The following CIDEB variants were observed in gnomAD, a reference collection of about 807,000 sequenced individuals.
The protein encoded by CIDEB is lipid transferase CIDEB.
In CIDEB, 27 loss-of-function variants were observed where a neutral mutation model predicts 22.4. The observed-to-expected ratio is 1.21, with a 90% CI of 0.89 to 1.66. CIDEB has a LOEUF of 1.66. CIDEB is among the 40% of genes most tolerant of loss of function. CIDEB has a pLI of 0.00. For synonymous variants in CIDEB, 103 were observed against 109.5 expected, an observed-to-expected ratio of 0.94 and a Z score of 0.37; for missense variants, 289 against 268.7, an observed-to-expected ratio of 1.08 and a Z score of -0.53.
chr14:24,310,617 C>T, upstream of CIDEB: 1 of 1,600,078 alleles, frequency 6.2e-7, no homozygotes, highest in Non-Finnish European at 8.6e-7. Context: ...TTGCCCCACC[C>T]CTGAACGCCC....
chr14:24,308,327 C>G, upstream of CIDEB: 2 of 222,248 alleles, frequency 9.0e-6, no homozygotes, highest in East Asian at 1.1e-4. Context: ...GAACCCGGGG[C>G]AGAGTGTGGG....
Position 24,305,944 on chromosome 14 carries a change from G to C in CIDEB, c.527+3C>G, listed in dbSNP as rs763947067. On this transcript the variant is annotated splice_donor_region_variant and intron_variant, in intron 4 of 4. Coordinates refer to ENST00000554411, the MANE Select transcript of CIDEB (RefSeq NM_001393339.1). ...GGGGCAGTATGACATGTTGATTTCT[G>C]ACCTGAGTACTTTCTTTGGGCCAAG... 47 of 1,612,372 alleles carry C rather than the reference G, an allele frequency of 2.9e-5. No homozygotes were observed. The South Asian group carries it at 4.6e-4, about 16-fold the overall frequency.
upstream of CIDEB, chr14:24,311,030 A>T: frequency 6.3e-7 from 1 of 1,582,076 alleles, no homozygotes; most frequent in Non-Finnish European, 8.5e-7. Flanking sequence ...GCTGCCTCGC[A>T]GTCACCCGCC....
chr14:24,305,864 AG>A, intron 4 of CIDEB, 82 bp downstream of exon 4: 1 of 1,582,104 alleles, frequency 6.3e-7, no homozygotes, highest in South Asian at 1.2e-5. Flanking sequence ...AGAGCTAACT[AG>A]GGGTAGGTGG....
upstream of CIDEB, chr14:24,311,429 GGAAGGGGCCTTGGC>G: frequency 6.2e-7 from 1 of 1,601,362 alleles, no homozygotes; most frequent in Non-Finnish European, 8.5e-7. Flanking sequence ...TGGCTCCACC[GGAAGGGGCCTTGGC>G]GAAGCTGGGC....
In CIDEB at chr14:24,305,487, G is replaced by C. The variant is rs367691190; in HGVS notation, c.*146C>G. On this transcript the variant is annotated 3_prime_UTR_variant, in exon 5 of 5. Transcript: ENST00000554411. ...GGGATGTGAGGCGTTATGCTGAAAGGTTCTGTCACGAGGGGATCAGAGGAC... is the reference window on the plus strand; with the variant it reads ...GGGATGTGAGGCGTTATGCTGAAAGCTTCTGTCACGAGGGGATCAGAGGAC... The C allele has an allele frequency of 2.5e-4, 239 of 955,142 alleles. No individual in the cohort carries two copies. The African/African-American group carries it at 3.4e-3, about 14-fold the overall frequency. The allele number at this position is 955,142 out of a possible 1,614,324, so 59.2% of individuals were successfully genotyped here.
chr14:24,306,336 G>T (rs1170161232), intron 3 of CIDEB, 38 bp downstream of exon 3: 1 of 1,613,456 alleles, frequency 6.2e-7, no homozygotes, highest in Admixed American at 1.7e-5. Flanking sequence ...AGCTCTAAAG[G>T]ACAGGCATTG....
At chr14:24,311,093 G>A (rs945532373), upstream of CIDEB, 15 of 1,562,916 alleles carry the variant, frequency 9.6e-6, no homozygotes, top group African/African-American at 1.4e-5. Context: ...GCCTGCTGCT[G>A]GCGGTCTGGC....
Position 24,307,803 on chromosome 14 carries a change from AG to A in CIDEB, c.41+14del. 6.3e-7 allele frequency: 1 copy of A among 1,590,232 alleles called. No individual in the cohort carries two copies. The highest frequency in any genetic ancestry group is 8.6e-7 in the Non-Finnish European group (1 of 1,167,564). On this transcript the variant is annotated intron_variant, in intron 1 of 4. Transcript: ENST00000554411. The stretch of plus-strand genomic sequence containing the variant: ...CCCCTAAAGGTGGAGGGTAGAGCGG[AG>A]GGTTAGCAGTCACCTGAGTAAGTCA...
upstream of CIDEB, chr14:24,310,340 G>A: frequency 1.7e-6 from 1 of 599,816 alleles, no homozygotes; most frequent in East Asian, 2.8e-5. Flanking sequence ...AAAGAAGGAG[G>A]GGCCAGACTA....
At chr14:24,309,639 A>G (rs1376180726), upstream of CIDEB, 2 of 152,194 alleles carry the variant, frequency 1.3e-5, no homozygotes, top group Non-Finnish European at 2.9e-5. Context: ...TTATGCCTCC[A>G]TGCATCCCCT....
rs895380848 is a variant in CIDEB, at chr14:24,305,524, T to G, written c.*109A>C. 3.7e-6 allele frequency: 5 copies of G among 1,365,976 alleles called. No individual in the cohort carries two copies. Among genetic ancestry groups the G allele is most frequent in the Non-Finnish European group, 5.0e-6 (5 of 1,001,130 alleles). The allele number at this position is 1,365,976 out of a possible 1,614,324, so 84.6% of individuals were successfully genotyped here. On this transcript the variant is annotated 3_prime_UTR_variant, in exon 5 of 5. Coordinates refer to ENST00000554411, the MANE Select transcript of CIDEB (RefSeq NM_001393339.1). ...GGGGATCAGAGGACAGTGGGGAAAT[T>G]GGGTGGGTTATCTAGCCTGTACTGT... is the stretch of plus-strand genomic sequence containing the variant.
upstream of CIDEB, chr14:24,310,739 C>G (rs368116308): frequency 1.1e-5 from 18 of 1,611,786 alleles, no homozygotes; most frequent in Non-Finnish European, 1.5e-5. Flanking sequence ...CAGGCACAGC[C>G]TTCCTGCTGC....
In CIDEB at chr14:24,307,516, C is replaced by A; in HGVS notation, c.42-1G>T. The A allele has an allele frequency of 3.1e-6, 5 of 1,612,298 alleles. No individual in the cohort carries two copies. Among genetic ancestry groups the A allele is most frequent in the Non-Finnish European group, 4.2e-6 (5 of 1,178,914 alleles). On this transcript the variant is annotated splice_acceptor_variant, in intron 1 of 4. Transcript: ENST00000554411. LOFTEE classifies it high-confidence loss of function. ...CTCCGAGCTTATATTAGATACTGACCTGGTAGTTGAGAAGAAAAGTCAAGA... is the reference window on the plus strand; with the variant it reads ...CTCCGAGCTTATATTAGATACTGACATGGTAGTTGAGAAGAAAAGTCAAGA...
rs943655391 is a variant in CIDEB at position 24,307,924 on chromosome 14, T to C, written c.-66A>G. On this transcript the variant is annotated 5_prime_UTR_variant, in exon 1 of 5. Transcript: ENST00000554411. Reference sequence around the variant, plus strand: ...GTGGTTCTCTCCTGTGCTGGGGCTTTAGTGGTGTTTTCTGTTACAAACCTG... The same window carrying C: ...GTGGTTCTCTCCTGTGCTGGGGCTTCAGTGGTGTTTTCTGTTACAAACCTG... 24 of 1,410,686 alleles carry C rather than the reference T, an allele frequency of 1.7e-5. No homozygotes were observed. Among genetic ancestry groups the C allele is most frequent in the Middle Eastern group, 3.5e-4 (2 of 5,756 alleles). The allele number at this position is 1,410,686 out of a possible 1,614,324, so 87.4% of individuals were successfully genotyped here.
Position 24,307,515 on chromosome 14 carries a change from C to G in CIDEB, c.42G>C (p.Arg14Ser). 1.9e-6 allele frequency: 3 copies of G among 1,612,330 alleles called. No homozygotes were observed. The highest frequency in any genetic ancestry group is 2.5e-6 in the Non-Finnish European group (3 of 1,179,020). The stretch of plus-strand genomic sequence containing the variant: ...ACTCCGAGCTTATATTAGATACTGA[C>G]CTGGTAGTTGAGAAGAAAAGTCAAG... ...LSALNPSDLL[R>S]SVSNISSEFG... The change falls in exon 2 of 5, where the codon AGG becomes AGC. Residue 14 changes from arginine to serine, a missense_variant and splice_region_variant. Coordinates refer to ENST00000554411, the MANE Select transcript of CIDEB (RefSeq NM_001393339.1).
Position 24,305,631 on chromosome 14 carries a change from C to T in CIDEB, c.*2G>A. ...ATTCTGGGGGCAGAAGCTCAGAGCC[C>T]CTTAGTAGGAATGGAGGCGGCCCTT... On this transcript the variant is annotated 3_prime_UTR_variant, in exon 5 of 5. Coordinates refer to ENST00000554411, the MANE Select transcript of CIDEB (RefSeq NM_001393339.1). 1 of 1,611,770 alleles carries T rather than the reference C, an allele frequency of 6.2e-7. No individual in the cohort carries two copies. The highest frequency in any genetic ancestry group is 8.5e-7 in the Non-Finnish European group (1 of 1,178,974).
chr14:24,307,026 G>A (rs527984575), intron 2 of CIDEB: 65 of 265,364 alleles, frequency 2.4e-4, no homozygotes, highest in African/African-American at 1.4e-3. Flanking sequence ...AAGAAACTGA[G>A]GTTTTGGTAG....
In CIDEB at chr14:24,307,943, A is replaced by C. The variant is rs368838194; in HGVS notation, c.-85T>G. ...GGGCTTTAGTGGTGTTTTCTGTTAC[A>C]AACCTGGGATCTCAGCCCAGGACAA... On this transcript the variant is annotated 5_prime_UTR_variant, in exon 1 of 5. Coordinates refer to ENST00000554411, the MANE Select transcript of CIDEB (RefSeq NM_001393339.1). 477 of 1,256,510 alleles carry C rather than the reference A, an allele frequency of 3.8e-4. No individual in the cohort carries two copies. In the African/African-American group the frequency reaches 6.2e-3, roughly 16 times the overall value. The allele number at this position is 1,256,510 out of a possible 1,614,324, so 77.8% of individuals were successfully genotyped here.
Sources: allele counts gnomAD v4.1 joint callset, GRCh38; gene constraint gnomAD v4.1.1; transcripts MANE v1.5; gene names NCBI Gene and HGNC (gene_info 2026-07-23, HGNC 2026-07-21).